FAF1: variants seen among roughly 807,000 people sequenced by gnomAD.
FAF1 encodes the protein FAS-associated factor 1.
Under a neutral mutation model 92.5 loss-of-function variants are expected in FAF1, and 25 were observed. That is an observed-to-expected ratio of 0.27 (90% CI 0.20 to 0.38). The LOEUF (loss-of-function observed/expected upper bound fraction) is 0.38. Among genes scored for constraint, FAF1 ranks in the 10% least tolerant of loss-of-function variants. The probability of loss-of-function intolerance (pLI) is 1.00; values close to 1 mark genes in which losing one functional copy is unlikely to be tolerated. For synonymous variants in FAF1, 234 were observed against 273.2 expected (o/e 0.86, Z 1.42); for missense variants, 636 against 793.3 (o/e 0.80, Z 2.38).
intron 9 of FAF1, 50 bp downstream of exon 9, chr1:50,596,071 A>G (rs1572858152): frequency 2.5e-6 from 3 of 1,183,032 alleles, no homozygotes; most frequent in African/African-American, 1.5e-5. Context: ...GTGCGCAGGT[A>G]GGTGGGGGAT....
intron 18 of FAF1, among the ~76,000 whole-genome samples, chr1:50,449,630 C>T (rs969041100): frequency 5.3e-5 from 8 of 151,266 alleles, no homozygotes; most frequent in Non-Finnish European, 8.8e-5. Context: ...GTTGGGACTA[C>T]AGGCATGCAC....
intron 15 of FAF1, among the ~76,000 whole-genome samples, chr1:50,497,583 C>G (rs1353618590): frequency 1.7e-5 from 2 of 118,798 alleles, no homozygotes; most frequent in Non-Finnish European, 3.3e-5. Flanking sequence ...GAGTCTCACT[C>G]TGTCACCCAG....
chr1:50,816,187 CT>C (rs946272870), intron 2 of FAF1, among the ~76,000 whole-genome samples: 9 of 141,012 alleles, frequency 6.4e-5, no homozygotes, highest in South Asian at 2.3e-4. Flanking sequence ...CTTTTGCCCA[CT>C]TTTTTTTTTC....
chr1:50,888,382 G>A (rs1004071875), intron 1 of FAF1, among the ~76,000 whole-genome samples: 9 of 152,056 alleles, frequency 5.9e-5, no homozygotes, highest in African/African-American at 1.9e-4. Context: ...TCTCCTGCCT[G>A]ATTGCCCTGG....
At chr1:50,611,910 T>A (rs1652703762) in intron 8 of FAF1, among the ~76,000 whole-genome samples, 1 of 152,088 alleles carries the variant, frequency 6.6e-6, no homozygotes. Flanking sequence ...AAACTGGCTT[T>A]GAAACAGAAA....
chr1:50,928,504 C>A (rs1436648577), intron 1 of FAF1, among the ~76,000 whole-genome samples: 1 of 152,128 alleles, frequency 6.6e-6, no homozygotes, highest in Non-Finnish European at 1.5e-5. Context: ...AGGAAGGCGG[C>A]CAGGCGCAGT....
chr1:50,469,106 A>C (rs1290427779), intron 18 of FAF1, among the ~76,000 whole-genome samples: 1 of 152,052 alleles, frequency 6.6e-6, no homozygotes, highest in East Asian at 1.9e-4. Context: ...CTTTTTTTTG[A>C]ATGTTGTAAA....
At chr1:50,525,121 G>A (rs1250442601) in intron 15 of FAF1, among the ~76,000 whole-genome samples, 1 of 152,068 alleles carries the variant, frequency 6.6e-6, no homozygotes, top group African/African-American at 2.4e-5. Context: ...CCTGGCCTCA[G>A]GTGATCCACC....
At chr1:50,577,537 A>C (rs1160553122) in intron 12 of FAF1, among the ~76,000 whole-genome samples, 2 of 152,204 alleles carry the variant, frequency 1.3e-5, no homozygotes, top group African/African-American at 4.8e-5. Flanking sequence ...AAAGAAAAGA[A>C]AAGAGAAGAG....
chr1:50,811,124 C>T (rs975157911), intron 2 of FAF1, among the ~76,000 whole-genome samples: 1 of 152,078 alleles, frequency 6.6e-6, no homozygotes, highest in Non-Finnish European at 1.5e-5. Context: ...TGCTTGAGCT[C>T]AGGAGTTCAA....
At chr1:50,651,520 G>A in intron 8 of FAF1, among the ~76,000 whole-genome samples, 1 of 152,040 alleles carries the variant, frequency 6.6e-6, no homozygotes, top group Admixed American at 6.6e-5. Context: ...TTCTTCAACT[G>A]AGCAATAAAA....
At chr1:50,726,479 G>A (rs569849951) in intron 6 of FAF1, among the ~76,000 whole-genome samples, 1 of 151,624 alleles carries the variant, frequency 6.6e-6, no homozygotes, top group South Asian at 2.1e-4. Flanking sequence ...GACAGATCAC[G>A]AGGTCAGGAG....
intron 2 of FAF1, among the ~76,000 whole-genome samples, chr1:50,821,137 A>C (rs1644039679): frequency 1.3e-5 from 2 of 152,234 alleles, no homozygotes; most frequent in African/African-American, 2.4e-5. Flanking sequence ...TATAAGAATC[A>C]AATGAAATAA....
Position 50,483,206 on chromosome 1 carries a change from A to ATATAGAAAAAAACTGG in FAF1, c.1653+7381_1653+7382insCCAGTTTTTTTCTATA, listed in dbSNP as rs375804034. ...CATTTTAAAACTGGTTTTCTATGGG[A>ATATAGAAAAAAACTGG]TTTTTTTTGGATATAAATATTCAAT... On this transcript the variant is annotated intron_variant, in intron 17 of 18. Coordinates refer to ENST00000396153, the MANE Select transcript of FAF1 (RefSeq NM_007051.3). Among the ~76,000 whole-genome samples, 1,012 of 151,894 alleles carry ATATAGAAAAAAACTGG rather than the reference A, an allele frequency of 6.7e-3. 14 individuals are homozygous for ATATAGAAAAAAACTGG. Among genetic ancestry groups the ATATAGAAAAAAACTGG allele is most frequent in the African/African-American group, 0.023 (945 of 41,450 alleles).
chr1:50,660,425 G>A (rs1655321392), intron 7 of FAF1, among the ~76,000 whole-genome samples: 1 of 151,762 alleles, frequency 6.6e-6, no homozygotes, highest in African/African-American at 2.4e-5. Context: ...TTATTCTCGT[G>A]AAAGCAAACT....
intron 8 of FAF1, among the ~76,000 whole-genome samples, chr1:50,643,501 C>T (rs924381279): frequency 6.6e-6 from 1 of 152,098 alleles, no homozygotes; most frequent in Non-Finnish European, 1.5e-5. Flanking sequence ...TGGGCATTGT[C>T]TAAGCTGTTA....
chr1:50,475,760 G>C, intron 17 of FAF1, 81 bp from the exon 18 acceptor site: 1 of 883,100 alleles, frequency 1.1e-6, no homozygotes, highest in Non-Finnish European at 1.7e-6. Flanking sequence ...CAGAAAAAAA[G>C]CTGCTGTTTT....
intron 6 of FAF1, among the ~76,000 whole-genome samples, chr1:50,725,362 T>C (rs1354381047): frequency 1.3e-5 from 2 of 152,176 alleles, no homozygotes; most frequent in Non-Finnish European, 2.9e-5. Context: ...CAGCACCCAC[T>C]GGAAAATATA....
At chr1:50,564,557 G>A (rs569650481) in intron 13 of FAF1, among the ~76,000 whole-genome samples, 100 of 152,170 alleles carry the variant, frequency 6.6e-4, no homozygotes, top group Non-Finnish European at 1.1e-3. Context: ...AGTGCAAGCA[G>A]TCGTCTACTG....
Sources: allele counts gnomAD v4.1 joint callset (sites outside exome capture counted in the v4.1 genomes callset), GRCh38; gene constraint gnomAD v4.1.1; transcripts MANE v1.5; gene names NCBI Gene and HGNC (gene_info 2026-07-23, HGNC 2026-07-21).